FGF2: variants seen among roughly 807,000 people sequenced by gnomAD.
FGF2 encodes the protein basic fibroblast growth factor bFGF.
FGF2 carries 13 observed loss-of-function variants against 15.9 expected under a neutral mutation model. That is an observed-to-expected ratio of 0.82 (90% CI 0.53 to 1.30). FGF2 has a LOEUF of 1.30. Among genes scored for constraint, FGF2 ranks in the 50% most tolerant of loss-of-function variants. The probability of loss-of-function intolerance (pLI) is 0.00; values close to 1 mark genes in which losing one functional copy is unlikely to be tolerated. For synonymous variants in FGF2, 90 were observed against 78.4 expected, an observed-to-expected ratio of 1.15 and a Z score of -0.78; for missense variants, 163 against 196.9, an observed-to-expected ratio of 0.83 and a Z score of 1.03.
intron 1 of FGF2, among the ~76,000 whole-genome samples, chr4:122,834,046 A>G (rs934950676): frequency 6.6e-6 from 1 of 152,192 alleles, no homozygotes; most frequent in African/African-American, 2.4e-5. Context: ...AGGCTCACAG[A>G]CACTTTGGAG....
intron 1 of FGF2, among the ~76,000 whole-genome samples, chr4:122,854,217 T>C (rs546292626): frequency 7.9e-5 from 12 of 152,226 alleles, no homozygotes; most frequent in Non-Finnish European, 1.3e-4. Context: ...GTAGTAAACA[T>C]AGAAAGGCAT....
At chr4:122,841,747 T>C (rs1725988958) in intron 1 of FGF2, among the ~76,000 whole-genome samples, 1 of 152,224 alleles carries the variant, frequency 6.6e-6, no homozygotes, top group South Asian at 2.1e-4. Flanking sequence ...CACCCAACTT[T>C]TAACAGCAAA....
intron 2 of FGF2, among the ~76,000 whole-genome samples, chr4:122,889,267 A>G (rs1727120308): frequency 6.6e-6 from 1 of 152,208 alleles, no homozygotes; most frequent in African/African-American, 2.4e-5. Flanking sequence ...TCTTAGGCCT[A>G]TATAAAATAA....
upstream of FGF2, chr4:122,826,823 C>G (rs375703544): frequency 2.7e-5 from 40 of 1,459,018 alleles, no homozygotes; most frequent in Non-Finnish European, 3.5e-5. Context: ...CGCCGCGGCC[C>G]GGCGGGTGCC....
At chr4:122,886,958 G>C (rs894704372) in intron 2 of FGF2, among the ~76,000 whole-genome samples, 5 of 152,096 alleles carry the variant, frequency 3.3e-5, no homozygotes, top group African/African-American at 1.2e-4. Flanking sequence ...AGAAATGGTG[G>C]TACATACTAG....
At chr4:122,840,526 T>G (rs1255001079) in intron 1 of FGF2, 1 of 153,076 alleles carries the variant, frequency 6.5e-6, no homozygotes, top group Non-Finnish European at 1.5e-5. Context: ...CTTTGACACC[T>G]CCGTGCTTCT....
chr4:122,847,603 C>CTCTATCTA (rs34233719), intron 1 of FGF2, among the ~76,000 whole-genome samples: 7,869 of 141,942 alleles, frequency 0.055, 277 homozygotes, highest in Non-Finnish European at 0.082. Context: ...TAGGAGATCA[C>CTCTATCTA]TCTATCTATC....
chr4:122,849,033 G>A (rs941499772), intron 1 of FGF2, among the ~76,000 whole-genome samples: 12 of 152,160 alleles, frequency 7.9e-5, no homozygotes, highest in African/African-American at 2.7e-4. Flanking sequence ...CTTCCGGACT[G>A]GGTCTCTTGG....
intron 1 of FGF2, among the ~76,000 whole-genome samples, chr4:122,875,737 G>A (rs1726833141): frequency 6.6e-6 from 1 of 152,210 alleles, no homozygotes; most frequent in African/African-American, 2.4e-5. Context: ...AACCTGGGAG[G>A]CAGAGGTTGC....
At chr4:122,879,382 T>C (rs1317941876) in intron 2 of FGF2, among the ~76,000 whole-genome samples, 1 of 152,242 alleles carries the variant, frequency 6.6e-6, no homozygotes, top group Admixed American at 6.5e-5. Context: ...TTGGTTTGGC[T>C]ACTGTCAGAC....
intron 2 of FGF2, 108 bp downstream of exon 2, chr4:122,876,532 G>A (rs1370127192): frequency 2.1e-5 from 16 of 756,206 alleles, no homozygotes; most frequent in South Asian, 5.8e-5. Flanking sequence ...GTGTATCATC[G>A]TCATAGTCAC....
chr4:122,845,920 G>A (rs1464121110), intron 1 of FGF2, among the ~76,000 whole-genome samples: 8 of 152,210 alleles, frequency 5.3e-5, no homozygotes, highest in Admixed American at 5.2e-4. Flanking sequence ...TTTGTGGCAA[G>A]AGGCCTAGCT....
At chr4:122,830,829 A>AAC (rs1725749707) in intron 1 of FGF2, among the ~76,000 whole-genome samples, 2 of 151,224 alleles carry the variant, frequency 1.3e-5, no homozygotes, top group African/African-American at 4.8e-5. Context: ...AAAAAAAAAA[A>AAC]AAAAAAAAAA....
chr4:122,867,385 T>C (rs1376773956), intron 1 of FGF2, among the ~76,000 whole-genome samples: 2 of 152,228 alleles, frequency 1.3e-5, no homozygotes, highest in African/African-American at 4.8e-5. Context: ...TTACTTAGTA[T>C]TATGGTGTCT....
chr4:122,836,122 T>G (rs886891129), intron 1 of FGF2, among the ~76,000 whole-genome samples: 3 of 152,220 alleles, frequency 2.0e-5, no homozygotes, highest in Admixed American at 2.0e-4. Flanking sequence ...TCTGTAATAG[T>G]TAGTGGTTTA....
chr4:122,865,886 G>A (rs928543710), intron 1 of FGF2, among the ~76,000 whole-genome samples: 20 of 152,146 alleles, frequency 1.3e-4, no homozygotes, highest in African/African-American at 3.9e-4. Flanking sequence ...AACTCAAAAT[G>A]TATTAAAACC....
At chr4:122,869,662 C>T (rs181609953) in intron 1 of FGF2, among the ~76,000 whole-genome samples, 22 of 152,260 alleles carry the variant, frequency 1.4e-4, no homozygotes, top group African/African-American at 4.8e-4. Flanking sequence ...TAAAGGAATG[C>T]TTGTGATTTT....
intron 1 of FGF2, among the ~76,000 whole-genome samples, chr4:122,863,840 T>C (rs539837316): frequency 2.6e-5 from 4 of 152,328 alleles, no homozygotes; most frequent in African/African-American, 9.6e-5. Flanking sequence ...TTCTCTGGCA[T>C]AGGCTGAAGT....
intron 1 of FGF2, among the ~76,000 whole-genome samples, chr4:122,848,346 T>C (rs1410219991): frequency 6.6e-6 from 1 of 152,242 alleles, no homozygotes; most frequent in Non-Finnish European, 1.5e-5. Context: ...TAGTTTTTCT[T>C]CTTCAGGATT....
Sources: allele counts gnomAD v4.1 joint callset (sites outside exome capture counted in the v4.1 genomes callset), GRCh38; gene constraint gnomAD v4.1.1; transcripts MANE v1.5; gene names NCBI Gene and HGNC (gene_info 2026-07-23, HGNC 2026-07-21).